The following GLIPR1L2 variants were observed in gnomAD, a reference collection of about 807,000 sequenced individuals.
GLIPR1L2 encodes GLIPR1 like 2.
GLIPR1L2 carries 21 observed loss-of-function variants against 28.4 expected under a neutral mutation model. The observed-to-expected ratio is 0.74, with a 90% CI of 0.52 to 1.06. GLIPR1L2 has a LOEUF of 1.06. GLIPR1L2 is among the 50% of genes least tolerant of loss of function. The probability of loss-of-function intolerance (pLI) is 0.00; values close to 1 mark genes in which losing one functional copy is unlikely to be tolerated. For synonymous variants in GLIPR1L2, 145 were observed against 139.3 expected, an observed-to-expected ratio of 1.04 and a Z score of -0.29; for missense variants, 476 against 416.9, an observed-to-expected ratio of 1.14 and a Z score of -1.23.
chr12:75,397,378 G>A (rs983422538), intron 1 of GLIPR1L2, among the ~76,000 whole-genome samples: 2 of 150,942 alleles, frequency 1.3e-5, no homozygotes, highest in Non-Finnish European at 3.0e-5. Flanking sequence ...TATTTTTAGT[G>A]CTTTATTATT....
intron 1 of GLIPR1L2, among the ~76,000 whole-genome samples, chr12:75,404,192 C>CTA (rs1259952688): frequency 1.8e-4 from 28 of 152,118 alleles, no homozygotes; most frequent in African/African-American, 6.5e-4. Flanking sequence ...TATAAGATCT[C>CTA]TATATATGTC....
Position 75,422,981 on chromosome 12 carries a change from T to C in GLIPR1L2, c.662T>C (p.Phe221Ser), listed in dbSNP as rs1313329089. The stretch of plus-strand genomic sequence containing the variant: ...GGCAGACGTGACAAATGCACAGATT[T>C]TCTATGCAGTAAGATAAAGAAAATA... ...RCGRRDKCTD[F>S]LCSNADRDQA... Residue 221 changes from phenylalanine (F) to serine (S), a missense_variant, in exon 4 of 6, where the codon TTT becomes TCT. Physicochemically the swap from Phe to Ser is radical, Grantham distance 155. Transcript: ENST00000550916. 19 of 1,611,082 alleles carry C rather than the reference T, an allele frequency of 1.2e-5. No homozygotes were observed. The highest frequency in any genetic ancestry group is 1.5e-5 in the Non-Finnish European group (18 of 1,177,858).
chr12:75,391,266 C>T lies in GLIPR1L2; in HGVS notation c.150C>T (p.Asp50=), dbSNP rs1161485126. Residue 50 remains aspartate (D), a synonymous_variant, in exon 1 of 6, where the codon GAC becomes GAT. Transcript: ENST00000550916. ...CCAGATTTTTGCCAGACGAGGAGGA[C>T]GTAGACTTTATCAACGAGTACGTGA... is the stretch of plus-strand genomic sequence containing the variant. ...LNARFLPDEE[D]VDFINEYVNL... 1.9e-6 allele frequency: 3 copies of T among 1,614,214 alleles called. No homozygotes were observed. Among genetic ancestry groups the T allele is most frequent in the Middle Eastern group, 1.6e-4 (1 of 6,062 alleles).
At chr12:75,417,022 A>C (rs2045929439) in intron 3 of GLIPR1L2, among the ~76,000 whole-genome samples, 1 of 152,156 alleles carries the variant, frequency 6.6e-6, no homozygotes, top group East Asian at 1.9e-4. Context: ...ATTAAAAGGT[A>C]TAGTGGGATG....
intron 3 of GLIPR1L2, among the ~76,000 whole-genome samples, chr12:75,415,962 A>G (rs2045919434): frequency 1.3e-5 from 2 of 152,110 alleles, no homozygotes; most frequent in Non-Finnish European, 2.9e-5. Flanking sequence ...AAAATTCATC[A>G]TATTCACTCT....
At chr12:75,429,938 C>CTTTTCTT (rs2046074415) in intron 4 of GLIPR1L2, among the ~76,000 whole-genome samples, 2 of 128,656 alleles carry the variant, frequency 1.6e-5, no homozygotes, top group Non-Finnish European at 3.2e-5. Flanking sequence ...TCTTTTCTTT[C>CTTTTCTT]TTTTTTTTTT....
Position 75,430,840 on chromosome 12 carries a change from T to C in GLIPR1L2, c.714T>C (p.Tyr238=). ...RDQATYYRFW[Y]PKWEMPRPVV... ...TGTTTACAGATTACCGATTTTGGTA[T>C]CCAAAATGGGAAATGCCCCGGCCAG... is the stretch of plus-strand genomic sequence containing the variant. Residue 238 remains tyrosine, a synonymous_variant, in exon 6 of 6, where the codon TAT becomes TAC. Coordinates refer to ENST00000550916, the MANE Select transcript of GLIPR1L2 (RefSeq NM_001270396.2). 9 of 1,533,448 alleles carry C rather than the reference T, an allele frequency of 5.9e-6. No homozygotes were observed. The highest frequency in any genetic ancestry group is 7.9e-6 in the Non-Finnish European group (9 of 1,145,086). The allele number at this position is 1,533,448 out of a possible 1,614,324, so 95.0% of individuals were successfully genotyped here. A position where few individuals can be genotyped will look rare whatever the true frequency, so the allele number is the denominator to read the frequency against.
chr12:75,425,391 T>G (rs1023103033), intron 4 of GLIPR1L2, among the ~76,000 whole-genome samples: 1 of 151,968 alleles, frequency 6.6e-6, no homozygotes, highest in Non-Finnish European at 1.5e-5. Context: ...ACACATGAGG[T>G]GTCTGAGTGC....
chr12:75,391,756 G>A (rs1198605954), intron 1 of GLIPR1L2, among the ~76,000 whole-genome samples: 1 of 152,154 alleles, frequency 6.6e-6, no homozygotes, highest in Non-Finnish European at 1.5e-5. Context: ...AAACAAGTGC[G>A]ACACTCTCAG....
chr12:75,396,314 C>T (rs1484400194), intron 1 of GLIPR1L2, among the ~76,000 whole-genome samples: 1 of 152,108 alleles, frequency 6.6e-6, no homozygotes, highest in Non-Finnish European at 1.5e-5. Context: ...CAGGTACTCA[C>T]CACCACGCCC....
chr12:75,403,576 C>T (rs1191700940), intron 1 of GLIPR1L2, among the ~76,000 whole-genome samples: 3 of 152,134 alleles, frequency 2.0e-5, no homozygotes, highest in Non-Finnish European at 4.4e-5. Flanking sequence ...GTGAATTTAA[C>T]TAAGGATAAT....
At chr12:75,414,170 A>G (rs527424381) in intron 3 of GLIPR1L2, among the ~76,000 whole-genome samples, 1 of 152,090 alleles carries the variant, frequency 6.6e-6, no homozygotes, top group South Asian at 2.1e-4. Context: ...CATCTCAGAG[A>G]TTGAAAAGCA....
At chr12:75,420,923 A>G (rs928262994) in intron 3 of GLIPR1L2, among the ~76,000 whole-genome samples, 3 of 152,200 alleles carry the variant, frequency 2.0e-5, no homozygotes, top group African/African-American at 7.2e-5. Context: ...AGTTTTATGT[A>G]TGTATGTATG....
chr12:75,410,045 C>A (rs906681722), intron 1 of GLIPR1L2, among the ~76,000 whole-genome samples: 1 of 151,396 alleles, frequency 6.6e-6, no homozygotes, highest in Non-Finnish European at 1.5e-5. Flanking sequence ...TGCATATAAT[C>A]ATTACTTAAT....
intron 3 of GLIPR1L2, among the ~76,000 whole-genome samples, chr12:75,421,021 T>C (rs2045971043): frequency 2.0e-5 from 3 of 152,196 alleles, no homozygotes; most frequent in Admixed American, 2.0e-4. Flanking sequence ...GGGACTATGC[T>C]CTAGTTCTCA....
At chr12:75,418,917 A>G (rs560480803) in intron 3 of GLIPR1L2, among the ~76,000 whole-genome samples, 126 of 152,176 alleles carry the variant, frequency 8.3e-4, no homozygotes, top group Non-Finnish European at 1.1e-3. Context: ...ACAAGAACAG[A>G]AAACCAAACA....
chr12:75,408,019 T>G (rs1053707152), intron 1 of GLIPR1L2, among the ~76,000 whole-genome samples: 1 of 152,030 alleles, frequency 6.6e-6, no homozygotes, highest in Non-Finnish European at 1.5e-5. Context: ...GGAAATATAT[T>G]GAAATAAAAT....
chr12:75,391,529 C>T (rs1434656016), intron 1 of GLIPR1L2, 179 bp downstream of exon 1: 2 of 1,529,908 alleles, frequency 1.3e-6, no homozygotes, highest in African/African-American at 1.4e-5. Flanking sequence ...CACTCTAACA[C>T]ATGCTTATTA....
rs2046091724 is a variant in GLIPR1L2, at chr12:75,431,370, G to A, written c.*209G>A. 6.7e-6 allele frequency: 3 copies of A among 450,322 alleles called. No individual in the cohort carries two copies. The highest frequency in any genetic ancestry group is 1.2e-5 in the Non-Finnish European group (3 of 257,592). The allele number at this position is 450,322 out of a possible 1,614,324, so 27.9% of individuals were successfully genotyped here. A position where few individuals can be genotyped will look rare whatever the true frequency, so the allele number is the denominator to read the frequency against. Reference sequence around the variant, plus strand: ...AACAAAGAAACAAAAAACATGTAAGGTGGGCTCTTTGACACTAAGAACAGA... The same window carrying A: ...AACAAAGAAACAAAAAACATGTAAGATGGGCTCTTTGACACTAAGAACAGA... On this transcript the variant is annotated 3_prime_UTR_variant, in exon 6 of 6. Coordinates refer to ENST00000550916, the MANE Select transcript of GLIPR1L2 (RefSeq NM_001270396.2).
Sources: allele counts gnomAD v4.1 joint callset (sites outside exome capture counted in the v4.1 genomes callset), GRCh38; gene constraint gnomAD v4.1.1; transcripts MANE v1.5; gene names NCBI Gene and HGNC (gene_info 2026-07-23, HGNC 2026-07-21).